The following LIMCH1 variants were observed in gnomAD, a reference collection of about 807,000 sequenced individuals.
The protein encoded by LIMCH1 is LIM and calponin homology domains 1.
A neutral mutation model predicts 176.5 loss-of-function variants in LIMCH1; 113 were observed. That is an observed-to-expected ratio of 0.64 (90% CI 0.55 to 0.75). The LOEUF (loss-of-function observed/expected upper bound fraction) is 0.75. Ranked by LOEUF, LIMCH1 falls within the 30% of genes least tolerant of loss-of-function variation. The pLI is 0.00. For missense variants in LIMCH1, 1,674 were observed against 1,814.9 expected (o/e 0.92, Z 1.41); for synonymous variants, 619 against 645.9 (o/e 0.96, Z 0.63).
At chr4:41,596,260 A>G (rs2088787868) in intron 1 of LIMCH1, among the ~76,000 whole-genome samples, 1 of 131,610 alleles carries the variant, frequency 7.6e-6, no homozygotes, top group Admixed American at 7.0e-5. Context: ...CCAAATGAAC[A>G]TCCACATGTA....
chr4:41,572,034 A>C (rs1300582638), intron 1 of LIMCH1, among the ~76,000 whole-genome samples: 1 of 152,216 alleles, frequency 6.6e-6, no homozygotes, highest in Non-Finnish European at 1.5e-5. Context: ...TGAAAGGAGC[A>C]GTTCTAAGAA....
At chr4:41,473,613 A>T (rs1473835368) in intron 1 of LIMCH1, among the ~76,000 whole-genome samples, 2 of 152,206 alleles carry the variant, frequency 1.3e-5, no homozygotes, top group East Asian at 3.9e-4. Context: ...ACTAAAAGAA[A>T]ACATAGGGGA....
At chr4:41,615,161 G>A (rs2091925511) in intron 5 of LIMCH1, among the ~76,000 whole-genome samples, 1 of 152,186 alleles carries the variant, frequency 6.6e-6, no homozygotes, top group South Asian at 2.1e-4. Flanking sequence ...CCAAAGAGTA[G>A]ATTTACTTTT....
At chr4:41,531,000 TTACTC>T (rs1277159081) in intron 3 of LIMCH1, among the ~76,000 whole-genome samples, 5 of 151,636 alleles carry the variant, frequency 3.3e-5, no homozygotes, top group South Asian at 4.2e-4. Flanking sequence ...TGCTGTATCT[TTACTC>T]TAAAGTTCAA....
intron 9 of LIMCH1, 92 bp downstream of exon 9, chr4:41,629,826 T>C (rs2093212245): frequency 1.5e-6 from 2 of 1,370,804 alleles, no homozygotes; most frequent in South Asian, 1.5e-5. Flanking sequence ...TTTTTTTTTT[T>C]TGTCAGGGTC....
intron 1 of LIMCH1, among the ~76,000 whole-genome samples, chr4:41,458,672 G>A (rs1050065616): frequency 6.6e-6 from 1 of 151,576 alleles, no homozygotes; most frequent in Non-Finnish European, 1.5e-5. Context: ...TACTCAGGAG[G>A]CTGAGGCAGG....
chr4:41,495,781 A>G (rs1367553988), intron 2 of LIMCH1, among the ~76,000 whole-genome samples: 2 of 152,302 alleles, frequency 1.3e-5, no homozygotes, highest in African/African-American at 4.8e-5. Context: ...GCACTGTACA[A>G]ATGTTGACTA....
Position 41,684,515 on chromosome 4 carries a change from C to T in LIMCH1, c.3964C>T (p.Gln1322Ter). ...PHCGTNPQLA[Q>*]DPSQNQQTSN... ...CTGTGGAACAAACCCACAGCTTGCTCAGGGTAAGAATGGAGAAGACCAGTT... is the reference window on the plus strand; with the variant it reads ...CTGTGGAACAAACCCACAGCTTGCTTAGGGTAAGAATGGAGAAGACCAGTT... Residue 1322 changes from glutamine (Q) to a stop codon, truncating the protein, a stop_gained, in exon 27 of 32, where the codon CAG becomes TAG. Coordinates refer to ENST00000503057, the MANE Select transcript of LIMCH1 (RefSeq NM_001330672.2). LOFTEE classifies it high-confidence loss of function. 1 of 1,613,168 alleles carries T rather than the reference C, an allele frequency of 6.2e-7. No homozygotes were observed. The highest frequency in any genetic ancestry group is 8.5e-7 in the Non-Finnish European group (1 of 1,179,558).
intron 1 of LIMCH1, among the ~76,000 whole-genome samples, chr4:41,579,640 T>G (rs1194995400): frequency 6.6e-6 from 1 of 152,228 alleles, no homozygotes; most frequent in East Asian, 1.9e-4. Context: ...GTCTTTAGTT[T>G]CAAAAATATT....
chr4:41,619,519 G>T, intron 6 of LIMCH1, 79 bp downstream of exon 6: 1 of 1,559,462 alleles, frequency 6.4e-7, no homozygotes, highest in Non-Finnish European at 8.7e-7. Flanking sequence ...ACAGGAACGA[G>T]GTTAAATGAC....
chr4:41,537,717 TG>T (rs1419860012), upstream of LIMCH1, among the ~76,000 whole-genome samples: 3 of 152,230 alleles, frequency 2.0e-5, no homozygotes, highest in Non-Finnish European at 4.4e-5. Context: ...ATATGATGGA[TG>T]GTACACAGGA....
At chr4:41,618,761 T>G (rs2092336212) in intron 5 of LIMCH1, among the ~76,000 whole-genome samples, 1 of 152,226 alleles carries the variant, frequency 6.6e-6, no homozygotes, top group Admixed American at 6.5e-5. Flanking sequence ...TAAAGATGCC[T>G]CAAAGACAAA....
At chr4:41,423,238 A>G (rs2060779805) in intron 1 of LIMCH1, among the ~76,000 whole-genome samples, 1 of 152,210 alleles carries the variant, frequency 6.6e-6, no homozygotes, top group Admixed American at 6.5e-5. Context: ...TCTGGCTTGA[A>G]GCTATAACTT....
intron 14 of LIMCH1, among the ~76,000 whole-genome samples, chr4:41,644,176 G>A (rs185319498): frequency 6.6e-6 from 1 of 152,202 alleles, no homozygotes; most frequent in East Asian, 1.9e-4. Flanking sequence ...AGGAGCCTGG[G>A]GCTTCAAATA....
At chr4:41,363,711 C>T (rs2052523445) in intron 1 of LIMCH1, among the ~76,000 whole-genome samples, 1 of 152,122 alleles carries the variant, frequency 6.6e-6, no homozygotes, top group African/African-American at 2.4e-5. Context: ...ACTTCAGCCC[C>T]CTTCCCCTCA....
chr4:41,647,063 T>G (rs2094095668), intron 17 of LIMCH1, among the ~76,000 whole-genome samples, 170 bp downstream of exon 17: 1 of 152,204 alleles, frequency 6.6e-6, no homozygotes, highest in Admixed American at 6.5e-5. Flanking sequence ...TGTAAATGCT[T>G]CAGGGACAGC....
intron 10 of LIMCH1, among the ~76,000 whole-genome samples, chr4:41,632,367 C>T (rs1346319178): frequency 1.3e-5 from 2 of 151,396 alleles, no homozygotes; most frequent in Non-Finnish European, 2.9e-5. Context: ...GTTCCAGACT[C>T]GGGGTGACAC....
At chr4:41,531,280 T>C (rs944100702) in intron 3 of LIMCH1, among the ~76,000 whole-genome samples, 2 of 152,120 alleles carry the variant, frequency 1.3e-5, no homozygotes, top group Non-Finnish European at 2.9e-5. Context: ...AAAAAGGCAC[T>C]GCTACATGTA....
At chr4:41,410,789 A>C (rs985596341) in intron 1 of LIMCH1, among the ~76,000 whole-genome samples, 8 of 152,106 alleles carry the variant, frequency 5.3e-5, no homozygotes, top group African/African-American at 1.9e-4. Context: ...GGCTTTCCTC[A>C]AGCCCATGCC....
Sources: gnomAD v4.1 joint callset for allele counts (sites outside exome capture counted in the v4.1 genomes callset) on GRCh38, gnomAD v4.1.1 for gene constraint, MANE v1.5 for transcripts, NCBI Gene and HGNC (gene_info 2026-07-23, HGNC 2026-07-21) for gene names.